The following NFASC variants were observed in gnomAD, a reference collection of about 807,000 sequenced individuals.
NFASC encodes the protein neurofascin homolog.
In NFASC, 43 loss-of-function variants were observed where a neutral mutation model predicts 147.5. The ratio of observed to expected loss-of-function variants is 0.29; its 90% confidence interval spans 0.23 to 0.38. The LOEUF is 0.38. Among genes scored for constraint, NFASC ranks in the 10% least tolerant of loss-of-function variants. NFASC has a pLI of 1.00. For synonymous variants in NFASC, 622 were observed against 665.5 expected (o/e 0.93, Z 1.01); for missense variants, 1,320 against 1,689.0 (o/e 0.78, Z 3.83).
chr1:204,966,210 T>C (rs1267959013), intron 8 of NFASC, among the ~76,000 whole-genome samples: 1 of 152,194 alleles, frequency 6.6e-6, no homozygotes, highest in Non-Finnish European at 1.5e-5. Flanking sequence ...CTACAGTGTG[T>C]CAAGGCACCC....
At chr1:204,897,961 C>A (rs1344442417) in intron 1 of NFASC, among the ~76,000 whole-genome samples, 1 of 152,152 alleles carries the variant, frequency 6.6e-6, no homozygotes, top group Non-Finnish European at 1.5e-5. Context: ...TGGTCTCGAA[C>A]TCCTCATCTC....
At chr1:204,834,991 A>G (rs1385705338) in intron 1 of NFASC, among the ~76,000 whole-genome samples, 1 of 152,012 alleles carries the variant, frequency 6.6e-6, no homozygotes, top group Non-Finnish European at 1.5e-5. Context: ...CATCATCACC[A>G]AGCACCTGCT....
chr1:204,848,764 G>T (rs913782751), intron 1 of NFASC, among the ~76,000 whole-genome samples: 1 of 152,242 alleles, frequency 6.6e-6, no homozygotes, highest in Non-Finnish European at 1.5e-5. Flanking sequence ...AATAAGGACA[G>T]GGGTCATGGA....
intron 3 of NFASC, chr1:204,946,937 G>A: frequency 2.6e-6 from 1 of 381,558 alleles, no homozygotes; most frequent in East Asian, 7.2e-5. Context: ...GATCCCTGCT[G>A]CCCTCAAGGC....
In NFASC at chr1:204,981,958, C is replaced by T; in HGVS notation, c.2408C>T (p.Ala803Val). 6.2e-7 allele frequency: 1 copy of T among 1,607,456 alleles called. No individual in the cohort carries two copies. The highest frequency in any genetic ancestry group is 8.5e-7 in the Non-Finnish European group (1 of 1,177,004). ...GTGCCCTATGAGATCCGAGTCCAGG[C>T]TGAAAATGACTTCGGGAAGGGCCCT... is the stretch of plus-strand genomic sequence containing the variant. ...VYVPYEIRVQAENDFGKGPEP... is the reference protein window; with the variant it reads ...VYVPYEIRVQVENDFGKGPEP... Residue 803 changes from alanine (A) to valine (V), a missense_variant, in exon 21 of 30, where the codon GCT (alanine) becomes GTT (valine). Around this residue, in one of 3 missense-constraint regions of NFASC, gnomAD observed 981 missense variants for 1,289.5 expected, o/e 0.76. Coordinates refer to ENST00000339876, the MANE Select transcript of NFASC (RefSeq NM_001005388.3).
Position 204,952,111 on chromosome 1 carries a change from C to T in NFASC, c.210C>T (p.Ala70=). The T allele has an allele frequency of 1.2e-6, 2 of 1,612,268 alleles. No individual in the cohort carries two copies. Among genetic ancestry groups the T allele is most frequent in the Non-Finnish European group, 1.7e-6 (2 of 1,178,362 alleles). Reference sequence around the variant, plus strand: ...AGTGTGAAGCAAAAGGGAACCCTGCCCCCAGGTGAGTGAAGGGGAAAAAGA... The same window carrying T: ...AGTGTGAAGCAAAAGGGAACCCTGCTCCCAGGTGAGTGAAGGGGAAAAAGA... ...LIECEAKGNP[A]PSFHWTRNSR... Residue 70 remains alanine, a synonymous_variant, in exon 5 of 30, where the codon GCC becomes GCT. Transcript: ENST00000339876.
intron 3 of NFASC, among the ~76,000 whole-genome samples, chr1:204,948,377 C>T (rs1294744029): frequency 6.6e-6 from 1 of 152,162 alleles, no homozygotes; most frequent in Non-Finnish European, 1.5e-5. Context: ...AGACGCCATC[C>T]CTATAGTCAA....
chr1:204,980,015 C>T (rs1475662567), intron 19 of NFASC, among the ~76,000 whole-genome samples: 1 of 152,160 alleles, frequency 6.6e-6, no homozygotes, highest in Non-Finnish European at 1.5e-5. Context: ...ATGTTAAATG[C>T]CAGGGATAAG....
intron 1 of NFASC, among the ~76,000 whole-genome samples, chr1:204,865,451 T>C (rs2077031206): frequency 6.6e-6 from 1 of 152,156 alleles, no homozygotes; most frequent in South Asian, 2.1e-4. Flanking sequence ...ACTACTGTAG[T>C]GTGAGGTTTG....
At chr1:204,880,335 A>T (rs2079920489) in intron 1 of NFASC, among the ~76,000 whole-genome samples, 1 of 152,062 alleles carries the variant, frequency 6.6e-6, no homozygotes, top group Non-Finnish European at 1.5e-5. Flanking sequence ...TTTTTTTCTC[A>T]TTGTAATGTT....
chr1:204,870,335 G>T (rs566848869), intron 1 of NFASC, among the ~76,000 whole-genome samples: 22 of 152,316 alleles, frequency 1.4e-4, no homozygotes, highest in Non-Finnish European at 2.8e-4. Context: ...ATTGTTCTGT[G>T]CGGGAGCCAT....
chr1:204,885,391 G>GC lies in NFASC; in HGVS notation c.-199-35241_-199-35240insC, dbSNP rs531914509. Reference sequence around the variant, plus strand: ...CCTTCACCCTCCCCTTTGCCCTGTGGGGGGGGAAGCATGGTACACTGGGCA... The same window carrying GC: ...CCTTCACCCTCCCCTTTGCCCTGTGGCGGGGGGAAGCATGGTACACTGGGCA... On this transcript the variant is annotated intron_variant, in intron 1 of 29. Transcript: ENST00000339876. 9.4e-4 allele frequency among the ~76,000 whole-genome samples: 113 copies of GC among 120,816 alleles called. 1 individual carries two copies. Among genetic ancestry groups the GC allele is most frequent in the East Asian group, 8.1e-3 (12 of 1,476 alleles). The allele number at this position is 120,816 out of a possible 152,430, so 79.3% of individuals were successfully genotyped here.
rs907981630 is a variant in NFASC at position 204,861,740 on chromosome 1, C to T, written c.-200+32958C>T. ...TCCTGACCTCGTGATCTGCCCACCT[C>T]GGCCTCCCAAAGTGCTGGGATTACA... On this transcript the variant is annotated intron_variant, in intron 1 of 29. Transcript: ENST00000339876. Among the ~76,000 whole-genome samples, 10 of 151,528 alleles carry T rather than the reference C, an allele frequency of 6.6e-5. 1 individual carries two copies. The highest frequency in any genetic ancestry group is 4.2e-4 in the South Asian group (2 of 4,778).
At chr1:204,994,938 C>A (rs543453624) in intron 24 of NFASC, among the ~76,000 whole-genome samples, 1 of 151,952 alleles carries the variant, frequency 6.6e-6, no homozygotes, top group Non-Finnish European at 1.5e-5. Context: ...CATGACAAAA[C>A]CCCATCTCTA....
In NFASC at chr1:205,009,635, T is replaced by C; in HGVS notation, c.3368T>C (p.Leu1123Pro). 6.2e-7 allele frequency: 1 copy of C among 1,614,198 alleles called. No homozygotes were observed. ...GLMCAIALLV[L>P]ILLIVCFIKR... ...ATGTGCGCCATCGCCCTCCTGGTGC[T>C]GATCCTGCTCATCGTCTGTTTCATC... The change falls in exon 28 of 30, where the codon CTG becomes CCG. Residue 1123 changes from leucine (L) to proline (P), a missense_variant. By Grantham distance (98) the Leu-to-Pro change is moderately conservative (BLOSUM62 -3). Around this residue, in one of 3 missense-constraint regions of NFASC, gnomAD observed 167 missense variants for 233.8 expected, o/e 0.71. Transcript: ENST00000339876.
intron 1 of NFASC, among the ~76,000 whole-genome samples, chr1:204,881,014 C>G (rs1352658029): frequency 2.0e-5 from 3 of 152,218 alleles, no homozygotes; most frequent in Non-Finnish European, 4.4e-5. Flanking sequence ...CTCCTGCCCT[C>G]CCTCCTGGGA....
intron 1 of NFASC, among the ~76,000 whole-genome samples, chr1:204,839,488 G>C (rs1044355038): frequency 2.6e-5 from 4 of 152,144 alleles, no homozygotes; most frequent in Non-Finnish European, 4.4e-5. Context: ...GGGTGCTGGA[G>C]GGGCCAGATT....
chr1:204,857,566 C>A (rs1473799108), intron 1 of NFASC, among the ~76,000 whole-genome samples: 1 of 152,226 alleles, frequency 6.6e-6, no homozygotes, highest in East Asian at 1.9e-4. Context: ...CCCCCAGAAT[C>A]CCATTGTGTG....
At chr1:204,990,475 C>T (rs1558393507) in intron 23 of NFASC, 2 of 151,812 alleles carry the variant, frequency 1.3e-5, no homozygotes, top group Non-Finnish European at 1.5e-5. Context: ...TGTTCTGCAG[C>T]CCCAGGGGAC....
Sources: allele counts gnomAD v4.1 joint callset (sites outside exome capture counted in the v4.1 genomes callset), GRCh38; gene constraint gnomAD v4.1.1; regional missense constraint gnomAD v4.1.1; transcripts MANE v1.5; gene names NCBI Gene and HGNC (gene_info 2026-07-23, HGNC 2026-07-21).